The following RUSC1 variants were observed in gnomAD, a reference collection of about 807,000 sequenced individuals.
RUSC1 encodes RUN and SH3 domain containing 1, also known as AP-4 complex accessory subunit RUSC1.
Under a neutral mutation model 72.1 loss-of-function variants are expected in RUSC1, and 40 were observed. That is an observed-to-expected ratio of 0.55 (90% CI 0.43 to 0.72). The LOEUF (loss-of-function observed/expected upper bound fraction) is 0.72, where lower values mean the gene tolerates loss of function less well. RUSC1 is among the 30% of genes least tolerant of loss of function. The pLI, the probability that RUSC1 is intolerant of heterozygous loss-of-function variation, is 0.00. For synonymous variants in RUSC1, 512 were observed against 494.2 expected (o/e 1.04, Z -0.48); for missense variants, 1,092 against 1,172.3 (o/e 0.93, Z 1.00).
rs781039998 is a variant in RUSC1, at chr1:155,328,243, G to T, written c.2508G>T (p.Glu836Asp). The change falls in exon 9 of 10, where the codon GAG becomes GAT. Residue 836 changes from glutamate (E) to aspartate (D), a missense_variant. Physicochemically the swap from Glu to Asp is conservative, Grantham distance 45. Transcript: ENST00000368352. Reference sequence around the variant, plus strand: ...AGATGCCTTCTCCTCAGGAGCTTGAGGCCTCAGCACCCAGGATGGTGCAAA... The same window carrying T: ...AGATGCCTTCTCCTCAGGAGCTTGATGCCTCAGCACCCAGGATGGTGCAAA... ...PPEMPSPQEL[E>D]ASAPRMVQTH... The T allele has an allele frequency of 5.6e-6, 9 of 1,613,324 alleles. No individual in the cohort carries two copies. Among genetic ancestry groups the T allele is most frequent in the Non-Finnish European group, 7.6e-6 (9 of 1,179,714 alleles).
chr1:155,324,325 GTTTCCCCTTTCCGGC>G, intron 2 of RUSC1: 1 of 1,590,086 alleles, frequency 6.3e-7, no homozygotes, highest in Non-Finnish European at 8.6e-7. Context: ...CGGGACCCGG[GTTTCCCCTTTCCGGC>G]GCCTTCCAGC....
At chr1:155,328,383 G>A in intron 9 of RUSC1, 108 bp downstream of exon 9, 1 of 1,188,524 alleles carries the variant, frequency 8.4e-7, no homozygotes, top group Non-Finnish European at 1.1e-6. Flanking sequence ...ACCGTGCTTA[G>A]TGTGCATTGC....
Position 155,325,469 on chromosome 1 carries a change from G to A in RUSC1, c.1687G>A (p.Val563Met). 1.3e-6 allele frequency: 2 copies of A among 1,594,222 alleles called. No homozygotes were observed. The highest frequency in any genetic ancestry group is 1.7e-6 in the Non-Finnish European group (2 of 1,173,606). Residue 563 changes from valine (V) to methionine (M), a missense_variant, in exon 5 of 10, where the codon GTG becomes ATG. Physicochemically the swap from Val to Met is conservative, Grantham distance 21. Coordinates refer to ENST00000368352, the MANE Select transcript of RUSC1 (RefSeq NM_001105203.2). This position sits in a 1 kb window ranked among gnomAD's most constrained non-coding sequence, Gnocchi z 6.5. ...GQRRSSPWSV[V>M]EASVKPGSST... ...GCGCAGGAGCAGCCCCTGGAGCGTG[G>A]TGGAGGCGTCGGTGAAGCCAGGTGA...
chr1:155,321,370 G>T (rs756451943), intron 1 of RUSC1: 3 of 1,380,364 alleles, frequency 2.2e-6, no homozygotes, highest in Non-Finnish European at 1.9e-6. Flanking sequence ...CTGGAGGGCA[G>T]GGCCAGATTG....
At position 155,326,480 on chromosome 1, in the gene RUSC1, G is replaced by A. The variant is rs1438871929; in HGVS notation, c.1862-100G>A. On this transcript the variant is annotated intron_variant, in intron 7 of 9. Coordinates refer to ENST00000368352, the MANE Select transcript of RUSC1 (RefSeq NM_001105203.2). This position sits in a 1 kb window ranked among gnomAD's most constrained non-coding sequence, Gnocchi z 4.7. ...CCTCTCTGCCCCAGTGCCCAGCAGAGTGAGGCCTGGGAAGATGTGTGCTGA... is the reference window on the plus strand; with the variant it reads ...CCTCTCTGCCCCAGTGCCCAGCAGAATGAGGCCTGGGAAGATGTGTGCTGA... The A allele has an allele frequency of 1.6e-6, 2 of 1,227,380 alleles. No homozygotes were observed. The highest frequency in any genetic ancestry group is 1.5e-5 in the African/African-American group (1 of 66,144). The allele number at this position is 1,227,380 out of a possible 1,614,324, so 76.0% of individuals were successfully genotyped here.
At position 155,322,481 on chromosome 1, in the gene RUSC1, A is replaced by C; in HGVS notation, c.708A>C (p.Lys236Asn). 1 of 1,613,564 alleles carries C rather than the reference A, an allele frequency of 6.2e-7. No individual in the cohort carries two copies. The highest frequency in any genetic ancestry group is 1.1e-5 in the South Asian group (1 of 91,028). Residue 236 changes from lysine to asparagine, a missense_variant, in exon 2 of 10, where the codon AAA becomes AAC. Physicochemically the swap from Lys to Asn is moderately conservative, Grantham distance 94 (BLOSUM62 0). Coordinates refer to ENST00000368352, the MANE Select transcript of RUSC1 (RefSeq NM_001105203.2). ...GTTGGAAGATTAACCCAATTTGGAA[A>C]ATTGACACAGAGAAAACTAAAGCTG... Reference protein sequence around the residue: ...EPSWKINPIWKIDTEKTKAEW... With the variant: ...EPSWKINPIWNIDTEKTKAEW...
rs1171186953 is a variant in RUSC1 at position 155,326,528 on chromosome 1, C to T, written c.1862-52C>T. The T allele has an allele frequency of 6.5e-7, 1 of 1,545,216 alleles. No homozygotes were observed. The highest frequency in any genetic ancestry group is 1.8e-5 in the Admixed American group (1 of 54,806). On this transcript the variant is annotated intron_variant, in intron 7 of 9. Coordinates refer to ENST00000368352, the MANE Select transcript of RUSC1 (RefSeq NM_001105203.2). The surrounding 1 kb of genome is among the most constrained non-coding windows in gnomAD (Gnocchi z 4.7). ...TGACTGGTGGGCTGCTCTGGGGGGT[C>T]TTCTGGGACTAGGTCCAGGGCAGGA...
chr1:155,324,588 G>T (rs551006875), intron 2 of RUSC1: 2 of 1,563,072 alleles, frequency 1.3e-6, no homozygotes, highest in South Asian at 2.3e-5. Flanking sequence ...GATCCTGGAG[G>T]TGGGGGCTGT....
At chr1:155,327,585 A>C (rs1259341654) in intron 8 of RUSC1, among the ~76,000 whole-genome samples, 1 of 152,198 alleles carries the variant, frequency 6.6e-6, no homozygotes, top group East Asian at 1.9e-4. Flanking sequence ...GTCGTTTAGA[A>C]AAATGAAAAA....
chr1:155,326,336 C>G lies in RUSC1; in HGVS notation c.1862-244C>G, dbSNP rs1651405629. Reference sequence around the variant, plus strand: ...GCTTCTATGGCTCTCCTGTCCTCCTCCTCTGTAGCCTTTGCACTGTCTCTG... The same window carrying G: ...GCTTCTATGGCTCTCCTGTCCTCCTGCTCTGTAGCCTTTGCACTGTCTCTG... On this transcript the variant is annotated intron_variant, in intron 7 of 9. Transcript: ENST00000368352. This position sits in a 1 kb window ranked among gnomAD's most constrained non-coding sequence, Gnocchi z 4.7. 3 of 575,710 alleles carry G rather than the reference C, an allele frequency of 5.2e-6. No homozygotes were observed. The highest frequency in any genetic ancestry group is 5.7e-5 in the East Asian group (2 of 35,104). The allele number at this position is 575,710 out of a possible 1,614,324, so 35.7% of individuals were successfully genotyped here.
chr1:155,328,018 C>A, intron 8 of RUSC1, 132 bp from the exon 9 acceptor site: 1 of 1,179,370 alleles, frequency 8.5e-7, no homozygotes, highest in Non-Finnish European at 1.2e-6. Context: ...ACACTCTGCC[C>A]TCAGCAGTGA....
chr1:155,326,054 AAGG>A lies in RUSC1; in HGVS notation c.1861+148_1861+150del. The A allele has an allele frequency of 1.1e-6, 1 of 891,784 alleles. No homozygotes were observed. The highest frequency in any genetic ancestry group is 1.5e-5 in the South Asian group (1 of 64,554). The allele number at this position is 891,784 out of a possible 1,614,324, so 55.2% of individuals were successfully genotyped here. A position where few individuals can be genotyped will look rare whatever the true frequency, so the allele number is the denominator to read the frequency against. On this transcript the variant is annotated intron_variant, in intron 7 of 9. Transcript: ENST00000368352. The surrounding 1 kb of genome is among the most constrained non-coding windows in gnomAD (Gnocchi z 4.7). ...ATTACTCTTCTAATTAAAACTTTCT[AAGG>A]AGGCCCATCGCCCATAGGATGAAAG...
Position 155,326,361 on chromosome 1 carries a change from G to C in RUSC1, c.1862-219G>C, listed in dbSNP as rs1651408242. 1 of 590,290 alleles carries C rather than the reference G, an allele frequency of 1.7e-6. No individual in the cohort carries two copies. The highest frequency in any genetic ancestry group is 3.0e-5 in the Admixed American group (1 of 33,422). 36.6% of individuals were successfully genotyped at this position (590,290 alleles called of 1,614,324 possible). A position where few individuals can be genotyped will look rare whatever the true frequency, so the allele number is the denominator to read the frequency against. On this transcript the variant is annotated intron_variant, in intron 7 of 9. Transcript: ENST00000368352. This position sits in a 1 kb window ranked among gnomAD's most constrained non-coding sequence, Gnocchi z 4.7. ...CCTCTGTAGCCTTTGCACTGTCTCT[G>C]TTACTTGTCACCACTTGCTGTGTGT...
chr1:155,327,344 A>G (rs1651526197), intron 8 of RUSC1, among the ~76,000 whole-genome samples: 1 of 152,168 alleles, frequency 6.6e-6, no homozygotes, highest in Admixed American at 6.5e-5. Context: ...GTCCTAAAAT[A>G]TAGTTATCCC....
At chr1:155,321,641 G>A (rs1033288496) in intron 1 of RUSC1, 47 bp from the exon 2 acceptor site, 26 of 1,325,228 alleles carry the variant, frequency 2.0e-5, no homozygotes, top group Non-Finnish European at 2.6e-5. Flanking sequence ...GTCCTTCCCC[G>A]CAGCTCTTGT....
Position 155,320,953 on chromosome 1 carries a change from G to C in RUSC1, c.-125G>C, listed in dbSNP as rs768072117. On this transcript the variant is annotated 5_prime_UTR_variant, in exon 1 of 10. Transcript: ENST00000368352. Reference sequence around the variant, plus strand: ...GCCGGGCGGGGACCGTGGGAGCCGCGGACAAGCCCAAGGCCGGAGCGGTTC... The same window carrying C: ...GCCGGGCGGGGACCGTGGGAGCCGCCGACAAGCCCAAGGCCGGAGCGGTTC... 5 of 1,562,484 alleles carry C rather than the reference G, an allele frequency of 3.2e-6. No homozygotes were observed. The highest frequency in any genetic ancestry group is 1.4e-5 in the African/African-American group (1 of 73,180).
chr1:155,326,725 C>T lies in RUSC1; in HGVS notation c.2007C>T (p.His669=). The change falls in exon 8 of 10, where the codon CAC becomes CAT. Residue 669 remains histidine, a synonymous_variant. Transcript: ENST00000368352. This position sits in a 1 kb window ranked among gnomAD's most constrained non-coding sequence, Gnocchi z 4.7. ...TGGACCTGCTCTTTGAGCACCACCA[C>T]CACCTGCCCCTGGGCCCACCTCAGG... ...FHLDLLFEHH[H]HLPLGPPQAP... is the part of the protein sequence containing the mutation. 1.2e-6 allele frequency: 2 copies of T among 1,613,370 alleles called. No individual in the cohort carries two copies. The highest frequency in any genetic ancestry group is 1.7e-6 in the Non-Finnish European group (2 of 1,180,046).
Position 155,326,330 on chromosome 1 carries a change from C to T in RUSC1, c.1862-250C>T. The T allele has an allele frequency of 3.5e-6, 2 of 572,550 alleles. No homozygotes were observed. The highest frequency in any genetic ancestry group is 6.2e-6 in the Non-Finnish European group (2 of 322,610). The allele number at this position is 572,550 out of a possible 1,614,324, so 35.5% of individuals were successfully genotyped here. On this transcript the variant is annotated intron_variant, in intron 7 of 9. Coordinates refer to ENST00000368352, the MANE Select transcript of RUSC1 (RefSeq NM_001105203.2). This position sits in a 1 kb window ranked among gnomAD's most constrained non-coding sequence, Gnocchi z 4.7. ...GTATGTGCTTCTATGGCTCTCCTGT[C>T]CTCCTCCTCTGTAGCCTTTGCACTG... is the stretch of plus-strand genomic sequence containing the variant.
chr1:155,324,272 C>T (rs773273526), intron 2 of RUSC1: 10 of 1,521,900 alleles, frequency 6.6e-6, no homozygotes, highest in Non-Finnish European at 8.8e-6. Flanking sequence ...CGAGTCCAGT[C>T]CCACGCGGGA....
Sources: allele counts gnomAD v4.1 joint callset (sites outside exome capture counted in the v4.1 genomes callset), GRCh38; gene constraint gnomAD v4.1.1; non-coding constraint Gnocchi (gnomAD v3.1); transcripts MANE v1.5; gene names NCBI Gene and HGNC (gene_info 2026-07-23, HGNC 2026-07-21).